Variants in ATP2B2 observed in about 807,000 individuals in gnomAD.
The protein encoded by ATP2B2 is ATPase plasma membrane Ca2+ transporting 2.
ATP2B2 carries 15 observed loss-of-function variants against 120.0 expected under a neutral mutation model. The ratio of observed to expected loss-of-function variants is 0.12; its 90% CI spans 0.08 to 0.19. ATP2B2 has a LOEUF of 0.19. Ranked by LOEUF, ATP2B2 falls within the 10% of genes least tolerant of loss-of-function variation. ATP2B2 has a pLI of 1.00. For synonymous variants in ATP2B2, 694 were observed against 700.3 expected (o/e 0.99, Z 0.14); for missense variants, 1,045 against 1,719.8 (o/e 0.61, Z 6.94).
chr3:10,584,386 G>A (rs527686520), intron 2 of ATP2B2, among the ~76,000 whole-genome samples: 2 of 152,276 alleles, frequency 1.3e-5, no homozygotes, highest in African/African-American at 4.8e-5. Context: ...GAACTTTCTT[G>A]TTCCCTTCCT....
chr3:10,465,795 C>T (rs994474196), intron 1 of ATP2B2, among the ~76,000 whole-genome samples: 12 of 152,212 alleles, frequency 7.9e-5, no homozygotes, highest in Non-Finnish European at 1.0e-4. Context: ...GGGCCTGCTA[C>T]GAAATGGGTG....
chr3:10,358,046 A>G (rs2060790751), intron 14 of ATP2B2, among the ~76,000 whole-genome samples: 1 of 152,168 alleles, frequency 6.6e-6, no homozygotes, highest in African/African-American at 2.4e-5. Flanking sequence ...GCCTCCCTTG[A>G]TCCTTGTGAA....
Position 10,340,374 on chromosome 3 carries a change from A to AAGAG in ATP2B2, c.3130-29_3130-26dup, listed in dbSNP as rs745831146. The AAGAG allele has an allele frequency of 4.4e-6, 7 of 1,604,622 alleles. No individual in the cohort carries two copies. Among genetic ancestry groups the AAGAG allele is most frequent in the South Asian group, 2.2e-5 (2 of 90,680 alleles). ...TCTGGAGGTCACAGGGGAGCAGAGA[A>AAGAG]AGAGAGAGAGAGAGGCCATCAGGGA... On this transcript the variant is annotated intron_variant, in intron 20 of 22. Coordinates refer to ENST00000360273, the MANE Select transcript of ATP2B2 (RefSeq NM_001001331.4). The surrounding 1 kb of genome is among the most constrained non-coding windows in gnomAD (Gnocchi z 5.0).
intron 2 of ATP2B2, among the ~76,000 whole-genome samples, chr3:10,547,523 G>A (rs1168245487): frequency 2.0e-5 from 3 of 152,078 alleles, no homozygotes; most frequent in Admixed American, 6.5e-5. Flanking sequence ...CGTATCTCCC[G>A]CTCCATAAGA....
At chr3:10,580,364 G>T (rs1001043496) in intron 2 of ATP2B2, among the ~76,000 whole-genome samples, 1 of 152,172 alleles carries the variant, frequency 6.6e-6, no homozygotes, top group South Asian at 2.1e-4. Context: ...GAGGGCAGGG[G>T]TTTCTGTGTG....
intron 22 of ATP2B2, among the ~76,000 whole-genome samples, chr3:10,334,204 CT>C (rs2060056126): frequency 6.6e-6 from 1 of 152,214 alleles, no homozygotes; most frequent in African/African-American, 2.4e-5. Flanking sequence ...GGGTGAAGTG[CT>C]GCCCTTCAAG....
rs574591564 is a variant in ATP2B2, at chr3:10,430,082, C to T, written c.199+19263G>A. Among the ~76,000 whole-genome samples, 29 of 152,346 alleles carry T rather than the reference C, an allele frequency of 1.9e-4. No homozygotes were observed. In the South Asian group the frequency reaches 5.0e-3, roughly 26 times the overall value. ...CCATTTCTGTAGCATGAAAGTGCCA[C>T]AGAAGTGATTCCTTTTGAAATATTA... On this transcript the variant is annotated intron_variant, in intron 2 of 22. Transcript: ENST00000360273.
intron 1 of ATP2B2, among the ~76,000 whole-genome samples, chr3:10,683,748 A>ATGTGTGTGTGTGTGTGTG (rs372159079): frequency 3.5e-5 from 2 of 57,330 alleles, no homozygotes; most frequent in African/African-American, 1.4e-4. Flanking sequence ...GTGTATATAT[A>ATGTGTGTGTGTGTGTGTG]TGTGTGTGTG....
intron 1 of ATP2B2, among the ~76,000 whole-genome samples, chr3:10,704,124 C>T (rs999131923): frequency 3.3e-5 from 5 of 152,206 alleles, no homozygotes; most frequent in South Asian, 2.1e-4. Flanking sequence ...AGCATGTCCT[C>T]GCCTCTTAGG....
intron 13 of ATP2B2, 72 bp from the exon 14 acceptor site, chr3:10,358,997 C>A: frequency 7.0e-7 from 1 of 1,428,874 alleles, no homozygotes; most frequent in Admixed American, 1.8e-5. Context: ...ACCACCTCCC[C>A]ACCCTCGTGA....
chr3:10,661,495 C>T (rs1275543000), intron 1 of ATP2B2, among the ~76,000 whole-genome samples: 1 of 152,142 alleles, frequency 6.6e-6, no homozygotes, highest in African/African-American at 2.4e-5. Flanking sequence ...AACTCCCATT[C>T]ACAGTTGCTT....
At chr3:10,629,839 C>T (rs2069813759) in intron 1 of ATP2B2, among the ~76,000 whole-genome samples, 1 of 152,218 alleles carries the variant, frequency 6.6e-6, no homozygotes, top group Non-Finnish European at 1.5e-5. Context: ...CAAAATATTG[C>T]CAAGCAACGC....
intron 14 of ATP2B2, among the ~76,000 whole-genome samples, chr3:10,355,531 G>A (rs765657559): frequency 1.8e-4 from 27 of 152,210 alleles, no homozygotes; most frequent in Non-Finnish European, 2.9e-4. Flanking sequence ...AGGGGCACCT[G>A]GGCTGACCTC....
intron 1 of ATP2B2, among the ~76,000 whole-genome samples, chr3:10,465,067 G>C (rs2064678572): frequency 6.6e-6 from 1 of 152,186 alleles, no homozygotes; most frequent in African/African-American, 2.4e-5. Flanking sequence ...GAGGCCTAAG[G>C]GATACCTTGA....
At chr3:10,412,166 C>T (rs2125024958) in intron 2 of ATP2B2, among the ~76,000 whole-genome samples, 1 of 152,392 alleles carries the variant, frequency 6.6e-6, no homozygotes, top group South Asian at 2.1e-4. Flanking sequence ...GTGCCCTTCC[C>T]TGCTCTGGCA....
At chr3:10,372,621 T>A (rs1319768730) in intron 11 of ATP2B2, among the ~76,000 whole-genome samples, 1 of 152,166 alleles carries the variant, frequency 6.6e-6, no homozygotes, top group Non-Finnish European at 1.5e-5. Flanking sequence ...ATATATCACT[T>A]GCATAATAAA....
Position 10,364,997 on chromosome 3 carries a change from C to T in ATP2B2, c.1660-4874G>A, listed in dbSNP as rs1344097044. Reference sequence around the variant, plus strand: ...GCTCACCACTCTGCTGAGTTCTTCACGTGCATCACCTTATCATAGGCTCAC... The same window carrying T: ...GCTCACCACTCTGCTGAGTTCTTCATGTGCATCACCTTATCATAGGCTCAC... On this transcript the variant is annotated intron_variant, in intron 12 of 22. Coordinates refer to ENST00000360273, the MANE Select transcript of ATP2B2 (RefSeq NM_001001331.4). Among the ~76,000 whole-genome samples the T allele has an allele frequency of 2.0e-5, 3 of 152,248 alleles. No individual in the cohort carries two copies. The East Asian group carries it at 5.8e-4, about 29-fold the overall frequency.
At chr3:10,661,058 T>A (rs1483040466) in intron 1 of ATP2B2, among the ~76,000 whole-genome samples, 1 of 152,226 alleles carries the variant, frequency 6.6e-6, no homozygotes. Context: ...CCCTTCATGC[T>A]GAAAACTCTC....
intron 10 of ATP2B2, 67 bp downstream of exon 10, chr3:10,378,185 T>C (rs966776696): frequency 3.8e-5 from 59 of 1,563,418 alleles, no homozygotes; most frequent in Non-Finnish European, 4.8e-5. Context: ...AGGCCGAGCA[T>C]GGGGCAGGGC....
Sources: allele counts gnomAD v4.1 joint callset (sites outside exome capture counted in the v4.1 genomes callset), GRCh38; gene constraint gnomAD v4.1.1; non-coding constraint Gnocchi (gnomAD v3.1); transcripts MANE v1.5; gene names NCBI Gene and HGNC (gene_info 2026-07-23, HGNC 2026-07-21).